The following CFAP47 variants were observed in gnomAD, a reference collection of about 807,000 sequenced individuals.
The protein encoded by CFAP47 is cilia- and flagella-associated protein 47.
A neutral mutation model predicts 148.1 loss-of-function variants in CFAP47; 29 were observed. The ratio of observed to expected loss-of-function variants is 0.20; its 90% CI spans 0.15 to 0.27. The LOEUF (loss-of-function observed/expected upper bound fraction) is 0.27. CFAP47 is among the 10% of genes least tolerant of loss of function. CFAP47 has a pLI of 1.00. For missense variants in CFAP47, 1,872 were observed against 1,697.5 expected (o/e 1.10, Z -1.81); for synonymous variants, 664 against 577.3 (o/e 1.15, Z -2.15).
chrX:35,953,608 A>G lies in CFAP47; in HGVS notation c.1063A>G (p.Lys355Glu). The G allele has an allele frequency of 2.5e-6, 3 of 1,190,462 alleles. No individual in the cohort carries two copies. The highest frequency in any genetic ancestry group is 1.8e-5 in the African/African-American group (1 of 57,100). The change falls in exon 7 of 64, where the codon AAA (lysine) becomes GAA (glutamate). Residue 355 changes from lysine to glutamate, a missense_variant. Coordinates refer to ENST00000378653, the MANE Select transcript of CFAP47 (RefSeq NM_001304548.2). The part of the protein sequence containing the change: ...CFTPKLMAVG[K>E]KDIGPSYRQD... ...TTTTTACAGGCTAATGGCTGTTGGTAAAAAGGATATTGGACCTTCATACAG... is the reference window on the plus strand; with the variant it reads ...TTTTTACAGGCTAATGGCTGTTGGTGAAAAGGATATTGGACCTTCATACAG...
At chrX:36,310,415 T>A (rs185720047) in intron 55 of CFAP47, among the ~76,000 whole-genome samples, 17 of 110,157 alleles carry the variant, frequency 1.5e-4, no homozygotes, top group African/African-American at 5.6e-4. Flanking sequence ...CCTCATCTTC[T>A]TTGCCTTAAT....
chrX:36,297,925 G>A (rs1039155010), intron 51 of CFAP47, among the ~76,000 whole-genome samples: 2 of 110,768 alleles, frequency 1.8e-5, no homozygotes, highest in African/African-American at 6.6e-5. Flanking sequence ...CTGTCGGGGA[G>A]AGGTGGATAA....
chrX:35,952,709 T>C (rs1936185400), intron 6 of CFAP47, among the ~76,000 whole-genome samples: 1 of 112,141 alleles, frequency 8.9e-6, no homozygotes, highest in Non-Finnish European at 1.9e-5. Context: ...TTGTTCTATA[T>C]GTAAATCCAC....
intron 57 of CFAP47, among the ~76,000 whole-genome samples, chrX:36,326,329 A>AC (rs1941517612): frequency 9.0e-6 from 1 of 111,046 alleles, no homozygotes; most frequent in South Asian, 3.8e-4. Context: ...ACACACACAC[A>AC]CAAACGTGCT....
At chrX:36,340,411 G>T (rs942276623) in intron 57 of CFAP47, among the ~76,000 whole-genome samples, 1 of 111,904 alleles carries the variant, frequency 8.9e-6, no homozygotes, top group Non-Finnish European at 1.9e-5. Context: ...TGCAGACTGA[G>T]TGACTTAAAT....
In CFAP47 at chrX:36,310,839, G is replaced by A. The variant is rs1318310259; in HGVS notation, c.8194G>A (p.Glu2732Lys). Residue 2732 changes from glutamate to lysine, a missense_variant, in exon 56 of 64, where the codon GAA becomes AAA. Coordinates refer to ENST00000378653, the MANE Select transcript of CFAP47 (RefSeq NM_001304548.2). ...CINFYCTQFT[E>K]WKFYLSGVGL... The stretch of plus-strand genomic sequence containing the variant: ...AATACTTATCTTCAAACAGTTTACA[G>A]AATGGAAATTCTACTTATCTGGAGT... The A allele has an allele frequency of 9.6e-6, 11 of 1,144,586 alleles. No individual in the cohort carries two copies. In the African/African-American group the frequency reaches 1.8e-4, roughly 19 times the overall value. 94.3% of individuals were successfully genotyped at this position (1,144,586 alleles called of 1,213,427 possible). A position where few individuals can be genotyped will look rare whatever the true frequency, so the allele number is the denominator to read the frequency against.
chrX:36,372,188 A>T (rs906946216), intron 62 of CFAP47, among the ~76,000 whole-genome samples: 2 of 105,635 alleles, frequency 1.9e-5, no homozygotes, highest in Admixed American at 1.0e-4. Flanking sequence ...AATAACAATA[A>T]AGCTACTTTC....
intron 27 of CFAP47, among the ~76,000 whole-genome samples, chrX:36,071,103 C>T (rs1937743277): frequency 8.9e-6 from 1 of 112,432 alleles, no homozygotes; most frequent in Non-Finnish European, 1.9e-5. Flanking sequence ...TTACTTCTAC[C>T]TCTGGCTTGC....
At chrX:36,105,796 TA>T (rs1388473056) in intron 33 of CFAP47, among the ~76,000 whole-genome samples, 1 of 112,756 alleles carries the variant, frequency 8.9e-6, no homozygotes, top group Non-Finnish European at 1.9e-5. Flanking sequence ...CAGGGTGTCA[TA>T]AAATATGTGC....
At chrX:35,923,168 G>A (rs1050269546) in intron 1 of CFAP47, among the ~76,000 whole-genome samples, 1 of 111,005 alleles carries the variant, frequency 9.0e-6, no homozygotes, top group African/African-American at 3.3e-5. Context: ...AGTTGAAGGG[G>A]AGGAAGTGCT....
intron 26 of CFAP47, among the ~76,000 whole-genome samples, chrX:36,056,886 G>A (rs1304987905): frequency 8.9e-6 from 1 of 112,082 alleles, no homozygotes; most frequent in Non-Finnish European, 1.9e-5. Context: ...GCAATCCAGA[G>A]CTCCCAGCCT....
intron 29 of CFAP47, among the ~76,000 whole-genome samples, chrX:36,084,255 G>A (rs2146775200): frequency 9.0e-6 from 1 of 110,822 alleles, no homozygotes; most frequent in African/African-American, 3.3e-5. Context: ...TGTTTTTATT[G>A]CTTATTGTTC....
At chrX:36,088,389 A>G (rs1275181460) in intron 30 of CFAP47, among the ~76,000 whole-genome samples, 1 of 111,096 alleles carries the variant, frequency 9.0e-6, no homozygotes, top group Non-Finnish European at 1.9e-5. Context: ...CTAACCCCCA[A>G]TGTGATTTTA....
chrX:36,286,156 G>A (rs1941130368), intron 51 of CFAP47, among the ~76,000 whole-genome samples: 1 of 111,078 alleles, frequency 9.0e-6, no homozygotes, highest in Non-Finnish European at 1.9e-5. Context: ...ACTCGGAATA[G>A]ATTTTGTCTG....
chrX:36,138,166 G>A (rs957163162), intron 34 of CFAP47, 111 bp downstream of exon 34: 84 of 542,636 alleles, frequency 1.5e-4, no homozygotes, highest in Admixed American at 3.8e-4. Flanking sequence ...TTACATTCAA[G>A]TCAAACACCT....
intron 29 of CFAP47, among the ~76,000 whole-genome samples, chrX:36,081,684 T>G (rs1261929121): frequency 9.0e-6 from 1 of 111,552 alleles, no homozygotes; most frequent in East Asian, 2.8e-4. Flanking sequence ...CAAGGTTGAT[T>G]CAACACACAC....
At chrX:36,141,808 T>C (rs1939146526) in intron 35 of CFAP47, among the ~76,000 whole-genome samples, 1 of 111,883 alleles carries the variant, frequency 8.9e-6, no homozygotes, top group Non-Finnish European at 1.9e-5. Context: ...ACAGAGTGTT[T>C]TAGGACTCTG....
At chrX:36,291,118 C>A (rs1941188721) in intron 51 of CFAP47, among the ~76,000 whole-genome samples, 2 of 111,522 alleles carry the variant, frequency 1.8e-5, no homozygotes, top group Non-Finnish European at 3.8e-5. Context: ...TGGAGTGAGG[C>A]GACCTGGGTT....
At chrX:35,934,781 A>T (rs1000859324) in intron 2 of CFAP47, among the ~76,000 whole-genome samples, 2 of 110,659 alleles carry the variant, frequency 1.8e-5, no homozygotes, top group Non-Finnish European at 3.8e-5. Context: ...CAGGTGATGA[A>T]TCTTGCCAGG....
Sources: gnomAD v4.1 joint callset for allele counts (sites outside exome capture counted in the v4.1 genomes callset) on GRCh38, gnomAD v4.1.1 for gene constraint, MANE v1.5 for transcripts, NCBI Gene and HGNC (gene_info 2026-07-23, HGNC 2026-07-21) for gene names.